CASZ1: variants seen among roughly 807,000 people sequenced by gnomAD.
The protein encoded by CASZ1 is zinc finger protein castor homolog 1.
A neutral mutation model predicts 135.2 loss-of-function variants in CASZ1; 28 were observed. The ratio of observed to expected loss-of-function variants is 0.21; its 90% CI spans 0.15 to 0.28. The LOEUF is 0.28. Among genes scored for constraint, CASZ1 ranks in the 10% least tolerant of loss-of-function variants. The pLI, the probability that CASZ1 is intolerant of heterozygous loss-of-function variation, is 1.00. For synonymous variants in CASZ1, 1,068 were observed against 1,073.4 expected (o/e 0.99, Z 0.10); for missense variants, 2,161 against 2,453.3 (o/e 0.88, Z 2.52).
chr1:10,659,985 C>G lies in CASZ1; in HGVS notation c.1057G>C (p.Gly353Arg). Residue 353 changes from glycine (G) to arginine (R), a missense_variant, in exon 6 of 21, where the codon GGG becomes CGG. By Grantham distance (125) the Gly-to-Arg change is moderately radical. Around this residue, in one of 7 missense-constraint regions of CASZ1, gnomAD observed 590 missense variants for 609.8 expected, o/e 0.97. Transcript: ENST00000377022. ...NVKYLHLFKPGEGSPDMGGAI... is the reference protein window; with the variant it reads ...NVKYLHLFKPREGSPDMGGAI... ...CCGCCCATGTCGGGGCTGCCCTCCC[C>G]GGGTTTGAAGAGGTGCAGGTACTTG... 1.9e-6 allele frequency: 3 copies of G among 1,613,696 alleles called. No individual in the cohort carries two copies. The highest frequency in any genetic ancestry group is 1.7e-6 in the Non-Finnish European group (2 of 1,179,994).
chr1:10,746,752 G>C (rs1640049324), intron 2 of CASZ1, among the ~76,000 whole-genome samples: 1 of 152,240 alleles, frequency 6.6e-6, no homozygotes, highest in South Asian at 2.1e-4. Flanking sequence ...CGGAGGGTGA[G>C]CTTTTTCTAC....
chr1:10,754,041 C>A (rs796671173), intron 2 of CASZ1, among the ~76,000 whole-genome samples: 2 of 152,166 alleles, frequency 1.3e-5, no homozygotes, highest in South Asian at 4.1e-4. Flanking sequence ...TTCTCCAACA[C>A]GCCTCTGGGA....
chr1:10,646,833 G>A lies in CASZ1; in HGVS notation c.3498-507C>T, dbSNP rs1431044118. On this transcript the variant is annotated intron_variant, in intron 16 of 20. Transcript: ENST00000377022. The surrounding 1 kb of genome is among the most constrained non-coding windows in gnomAD (Gnocchi z 6.4). ...GCGTGCCTGGTGTCAGCTCCTGGGG[G>A]CTCACAGCTGCTGGGCTCCCCAGGA... is the stretch of plus-strand genomic sequence containing the variant. Among the ~76,000 whole-genome samples, 2 of 152,184 alleles carry A rather than the reference G, an allele frequency of 1.3e-5. No individual in the cohort carries two copies. Among genetic ancestry groups the A allele is most frequent in the East Asian group, 1.9e-4 (1 of 5,190 alleles).
At chr1:10,740,482 C>T (rs1639893450) in intron 2 of CASZ1, among the ~76,000 whole-genome samples, 1 of 152,210 alleles carries the variant, frequency 6.6e-6, no homozygotes, top group Non-Finnish European at 1.5e-5. Context: ...GAGGGTCCCC[C>T]CAAGCCAGGG....
At chr1:10,736,827 G>A in intron 2 of CASZ1, among the ~76,000 whole-genome samples, 1 of 152,200 alleles carries the variant, frequency 6.6e-6, no homozygotes, top group East Asian at 1.9e-4. Flanking sequence ...TGAAGGACAG[G>A]GACGTGGGAG....
chr1:10,663,987 G>T (rs1643141337), intron 5 of CASZ1, among the ~76,000 whole-genome samples: 1 of 152,196 alleles, frequency 6.6e-6, no homozygotes, highest in African/African-American at 2.4e-5. Context: ...CTCTCCTCAG[G>T]CCCAGCACAA....
At chr1:10,783,726 G>A (rs1460465327) in intron 1 of CASZ1, among the ~76,000 whole-genome samples, 7 of 151,968 alleles carry the variant, frequency 4.6e-5, no homozygotes, top group Non-Finnish European at 8.8e-5. Flanking sequence ...TACAAAATTA[G>A]CCAGGCGTGG....
rs1038888895 is a variant in CASZ1 at position 10,701,914 on chromosome 1, C to T, written c.-24+3578G>A. 5.9e-5 allele frequency among the ~76,000 whole-genome samples: 9 copies of T among 152,192 alleles called. No homozygotes were observed. The highest frequency in any genetic ancestry group is 1.2e-4 in the Non-Finnish European group (8 of 68,022). ...CAGGCCTCAGTTTCTCCACCTCCCC[C>T]GGCCCATCCCCCGTTGGGCTGAGCC... On this transcript the variant is annotated intron_variant, in intron 3 of 20. Transcript: ENST00000377022. This position sits in a 1 kb window ranked among gnomAD's most constrained non-coding sequence, Gnocchi z 6.3.
chr1:10,695,572 T>TCCCC (rs1638912759), intron 3 of CASZ1, among the ~76,000 whole-genome samples: 4 of 17,912 alleles, frequency 2.2e-4, no homozygotes, highest in African/African-American at 4.0e-4. Flanking sequence ...CCTCCTCCCC[T>TCCCC]CCCCGCCACC....
intron 2 of CASZ1, among the ~76,000 whole-genome samples, chr1:10,751,907 G>A (rs1396562885): frequency 6.6e-6 from 1 of 152,198 alleles, no homozygotes; most frequent in African/African-American, 2.4e-5. Context: ...GCTGCAGGAG[G>A]CTGGACCTCC....
rs145422074 is a variant in CASZ1 at position 10,659,877 on chromosome 1, C to A, written c.1165G>T (p.Val389Phe). The A allele has an allele frequency of 2.9e-5, 46 of 1,611,142 alleles. No individual in the cohort carries two copies. Among genetic ancestry groups the A allele is most frequent in the South Asian group, 3.3e-5 (3 of 90,872 alleles). ...GGAGCCAGGCTGGGGGTGGGCGGAA[C>A]CTTGGCGGGGCCTGGCTTCTGGATG... ...RGIQKPGPAK[V>F]PPTPSLAPAP... Residue 389 changes from valine to phenylalanine, a missense_variant, in exon 6 of 21, where the codon GTT becomes TTT. Transcript: ENST00000377022.
chr1:10,645,046 T>C lies in CASZ1; in HGVS notation c.3739A>G (p.Thr1247Ala). 1 of 1,614,036 alleles carries C rather than the reference T, an allele frequency of 6.2e-7. No individual in the cohort carries two copies. Among genetic ancestry groups the C allele is most frequent in the Non-Finnish European group, 8.5e-7 (1 of 1,180,006 alleles). The change falls in exon 18 of 21, where the codon ACC (threonine) becomes GCC (alanine). Residue 1247 changes from threonine (T) to alanine (A), a missense_variant. Thr to Ala is a moderately conservative substitution (Grantham distance 58). Transcript: ENST00000377022. ...ATGTTGGTCACAAAATAGCAGCCGG[T>C]GCGGAGGCAGTGGTAGTGCCCACGC... The part of the protein sequence containing the change: ...RMRGHYHCLR[T>A]GCYFVTNITT...
intron 2 of CASZ1, among the ~76,000 whole-genome samples, chr1:10,752,834 G>A (rs576940100): frequency 2.6e-5 from 4 of 152,290 alleles, no homozygotes; most frequent in South Asian, 2.1e-4. Context: ...TCAGGAGTTC[G>A]AGACCAGCCT....
intron 5 of CASZ1, among the ~76,000 whole-genome samples, chr1:10,663,037 G>A (rs1009345527): frequency 1.3e-5 from 2 of 152,202 alleles, no homozygotes; most frequent in Admixed American, 1.3e-4. Flanking sequence ...CCTGCATCAG[G>A]GTTAGGTGCA....
At chr1:10,648,198 AT>A in intron 15 of CASZ1, 59 bp from the exon 16 acceptor site, 1 of 1,254,278 alleles carries the variant, frequency 8.0e-7, no homozygotes, top group Non-Finnish European at 1.1e-6. Context: ...GTGGAGGGGC[AT>A]GCATGTGACC....
At chr1:10,660,915 A>G in intron 5 of CASZ1, 2 of 240,318 alleles carry the variant, frequency 8.3e-6, no homozygotes, top group Admixed American at 5.2e-5. Context: ...CCTGCCTCCC[A>G]GGACAGGGAG....
Position 10,642,947 on chromosome 1 carries a change from G to A in CASZ1, c.4074C>T (p.Gly1358=). ...CAGAGGACATGGCGCCTGGGCTGCA[G>A]CCAGTGTAGTCCATGCACTCATCTG... ...AETDECMDYT[G]CSPGAMSSES... Residue 1358 remains glycine (G), a synonymous_variant, in exon 20 of 21, where the codon GGC becomes GGT. Transcript: ENST00000377022. 3 of 1,613,118 alleles carry A rather than the reference G, an allele frequency of 1.9e-6. No homozygotes were observed. The highest frequency in any genetic ancestry group is 1.1e-5 in the South Asian group (1 of 91,084).
Position 10,717,222 on chromosome 1 carries a change from C to A in CASZ1, c.-76-11678G>T, listed in dbSNP as rs141759283. ...ATCTACGAACGCCTGCCTATCAGCA[C>A]TTTCCAAAAAGCCCCTGCAGTTCCC... On this transcript the variant is annotated intron_variant, in intron 2 of 20. Coordinates refer to ENST00000377022, the MANE Select transcript of CASZ1 (RefSeq NM_001079843.3). This position sits in a 1 kb window ranked among gnomAD's most constrained non-coding sequence, Gnocchi z 4.6. 3.0e-4 allele frequency among the ~76,000 whole-genome samples: 46 copies of A among 152,254 alleles called. No individual in the cohort carries two copies. Among genetic ancestry groups the A allele is most frequent in the African/African-American group, 1.1e-3 (44 of 41,534 alleles).
chr1:10,691,022 C>A (rs1345779661), intron 4 of CASZ1, among the ~76,000 whole-genome samples: 3 of 151,992 alleles, frequency 2.0e-5, no homozygotes, highest in Admixed American at 6.6e-5. Flanking sequence ...CTCCCTCCCC[C>A]AGGGAAATCA....
Sources: gnomAD v4.1 joint callset for allele counts (sites outside exome capture counted in the v4.1 genomes callset) on GRCh38, gnomAD v4.1.1 for gene constraint, gnomAD v4.1.1 regional missense constraint, Gnocchi (gnomAD v3.1) non-coding constraint, MANE v1.5 for transcripts, NCBI Gene and HGNC (gene_info 2026-07-23, HGNC 2026-07-21) for gene names.